Variants in ADAMTSL1 observed in about 807,000 individuals in gnomAD.
ADAMTSL1 encodes the protein ADAMTS like 1, also known as ADAMTS-like protein 1.
ADAMTSL1 carries 126 observed loss-of-function variants against 201.8 expected under a neutral mutation model. That is an observed-to-expected ratio of 0.62 (90% CI 0.54 to 0.72). The LOEUF (loss-of-function observed/expected upper bound fraction) is 0.72, where lower values mean the gene tolerates loss of function less well. ADAMTSL1 is among the 30% of genes least tolerant of loss of function. The pLI is 0.00. For synonymous variants in ADAMTSL1, 1,121 were observed against 903.4 expected, an observed-to-expected ratio of 1.24 and a Z score of -4.32; for missense variants, 2,679 against 2,277.8, an observed-to-expected ratio of 1.18 and a Z score of -3.59.
At chr9:18,594,684 T>A (rs1162636040) in intron 4 of ADAMTSL1, among the ~76,000 whole-genome samples, 1 of 152,212 alleles carries the variant, frequency 6.6e-6, no homozygotes, top group Non-Finnish European at 1.5e-5. Context: ...ATTTCTCTAT[T>A]TAATTTCTCT....
chr9:17,980,594 T>C (rs776548003), intron 1 of ADAMTSL1, among the ~76,000 whole-genome samples: 4 of 151,904 alleles, frequency 2.6e-5, no homozygotes, highest in Non-Finnish European at 5.9e-5. Flanking sequence ...AGCATGATGG[T>C]GTGATGGGGT....
At chr9:18,137,667 T>C (rs1826217851) in intron 1 of ADAMTSL1, among the ~76,000 whole-genome samples, 1 of 152,172 alleles carries the variant, frequency 6.6e-6, no homozygotes, top group Non-Finnish European at 1.5e-5. Flanking sequence ...AATAAAACCC[T>C]GTGGAAGAAA....
At chr9:18,422,749 C>T (rs1819018315) in intron 2 of ADAMTSL1, among the ~76,000 whole-genome samples, 1 of 152,148 alleles carries the variant, frequency 6.6e-6, no homozygotes, top group South Asian at 2.1e-4. Context: ...TGTGTTCCTG[C>T]AGCATCCGGT....
intron 4 of ADAMTSL1, among the ~76,000 whole-genome samples, chr9:18,619,636 T>A (rs886531166): frequency 6.6e-6 from 1 of 152,206 alleles, no homozygotes; most frequent in Non-Finnish European, 1.5e-5. Context: ...TGTTCTTTAC[T>A]TAAAATGGTT....
intron 3 of ADAMTSL1, among the ~76,000 whole-genome samples, chr9:18,571,825 C>T (rs1822321007): frequency 6.6e-6 from 1 of 152,160 alleles, no homozygotes; most frequent in South Asian, 2.1e-4. Flanking sequence ...AATGTGAGTT[C>T]ATTAAGACAA....
intron 1 of ADAMTSL1, among the ~76,000 whole-genome samples, chr9:18,031,448 C>T (rs1276890961): frequency 6.6e-6 from 1 of 152,068 alleles, no homozygotes; most frequent in African/African-American, 2.4e-5. Flanking sequence ...AGATTGCTTC[C>T]TGCATTGGGT....
intron 1 of ADAMTSL1, among the ~76,000 whole-genome samples, chr9:18,000,403 C>T (rs1378390250): frequency 6.6e-6 from 1 of 151,990 alleles, no homozygotes; most frequent in African/African-American, 2.4e-5. Flanking sequence ...TCCTGCCTCA[C>T]CACCCCTCAT....
chr9:18,681,762 T>C, intron 11 of ADAMTSL1, 50 bp from the exon 12 acceptor site: 2 of 1,359,402 alleles, frequency 1.5e-6, no homozygotes, highest in East Asian at 2.9e-5. Context: ...TGAAGAAAAG[T>C]AAACAAGGCT....
chr9:18,517,372 C>G (rs1235111308), intron 2 of ADAMTSL1, among the ~76,000 whole-genome samples: 1 of 151,296 alleles, frequency 6.6e-6, no homozygotes, highest in East Asian at 1.9e-4. Context: ...ACTTTGGTAG[C>G]TATTTAATTT....
At chr9:17,993,470 A>C (rs1362684638) in intron 1 of ADAMTSL1, among the ~76,000 whole-genome samples, 2 of 150,774 alleles carry the variant, frequency 1.3e-5, no homozygotes, top group African/African-American at 4.9e-5. Context: ...TTACAGTTCT[A>C]TTCAAATAGA....
chr9:18,503,317 T>C (rs1277627703), intron 1 of ADAMTSL1, among the ~76,000 whole-genome samples: 2 of 151,794 alleles, frequency 1.3e-5, no homozygotes, highest in Admixed American at 1.3e-4. Flanking sequence ...ATTTGTTCTT[T>C]CATGTCTGAC....
At chr9:18,378,365 C>G (rs1396914098) in intron 2 of ADAMTSL1, among the ~76,000 whole-genome samples, 2 of 152,114 alleles carry the variant, frequency 1.3e-5, no homozygotes, top group Admixed American at 6.5e-5. Flanking sequence ...AAGTAGAGAC[C>G]TTGAATAAAG....
rs769456166 is a variant in ADAMTSL1 at position 18,777,693 on chromosome 9, G to A, written c.3464G>A (p.Gly1155Glu). Reference sequence around the variant, plus strand: ...ACCTCCTCCACCGGGGACGCCGGGGGAGGCTCTCGAAGGCCACACCGCAAG... The same window carrying A: ...ACCTCCTCCACCGGGGACGCCGGGGAAGGCTCTCGAAGGCCACACCGCAAG... ...LRTSSTGDAG[G>E]GSRRPHRKPT... The change falls in exon 19 of 29, where the codon GGA becomes GAA. Residue 1155 changes from glycine to glutamate, a missense_variant. Gly to Glu is a moderately conservative substitution (Grantham distance 98, BLOSUM62 -2). Transcript: ENST00000380548. The A allele has an allele frequency of 1.2e-6, 2 of 1,613,466 alleles. No individual in the cohort carries two copies. Among genetic ancestry groups the A allele is most frequent in the South Asian group, 1.1e-5 (1 of 91,036 alleles).
intron 1 of ADAMTSL1, among the ~76,000 whole-genome samples, chr9:18,116,730 T>C (rs1203650567): frequency 1.3e-5 from 2 of 152,224 alleles, no homozygotes; most frequent in East Asian, 3.9e-4. Context: ...TTTATTATGA[T>C]TATACTTTAA....
chr9:18,755,809 T>C (rs1819715512), intron 16 of ADAMTSL1, among the ~76,000 whole-genome samples: 1 of 152,060 alleles, frequency 6.6e-6, no homozygotes, highest in Admixed American at 6.6e-5. Context: ...TGAGTCAGGT[T>C]TAAGTTCATT....
chr9:18,213,479 C>T (rs1829955090), intron 2 of ADAMTSL1, among the ~76,000 whole-genome samples: 1 of 152,114 alleles, frequency 6.6e-6, no homozygotes, highest in African/African-American at 2.4e-5. Flanking sequence ...AAACTTTTGC[C>T]TTTGAGATGA....
At chr9:18,112,640 T>G (rs986963960) in intron 1 of ADAMTSL1, among the ~76,000 whole-genome samples, 3 of 152,072 alleles carry the variant, frequency 2.0e-5, no homozygotes, top group Non-Finnish European at 4.4e-5. Flanking sequence ...AATTGCAATA[T>G]AGTGATGAGC....
Position 18,697,823 on chromosome 9 carries a change from G to A in ADAMTSL1, c.1575-8924G>A, listed in dbSNP as rs148565199. 1.3e-3 allele frequency among the ~76,000 whole-genome samples: 204 copies of A among 152,260 alleles called. 2 individuals are homozygous for A. The highest frequency in any genetic ancestry group is 4.6e-3 in the African/African-American group (193 of 41,534). On this transcript the variant is annotated intron_variant, in intron 13 of 28. Coordinates refer to ENST00000380548, the MANE Select transcript of ADAMTSL1 (RefSeq NM_001040272.6). Reference sequence around the variant, plus strand: ...GGTGGAGAAGATTGGAAGACGATAGGGTTACTGAAGGGAGAAATCAGGAGT... The same window carrying A: ...GGTGGAGAAGATTGGAAGACGATAGAGTTACTGAAGGGAGAAATCAGGAGT...
chr9:18,085,521 C>CTG (rs370247879), intron 1 of ADAMTSL1, among the ~76,000 whole-genome samples: 50 of 35,290 alleles, frequency 1.4e-3, no homozygotes, highest in African/African-American at 3.8e-3. Context: ...TATATATATA[C>CTG]TGTATGCATA....
Sources: allele counts gnomAD v4.1 joint callset (sites outside exome capture counted in the v4.1 genomes callset), GRCh38; gene constraint gnomAD v4.1.1; transcripts MANE v1.5; gene names NCBI Gene and HGNC (gene_info 2026-07-23, HGNC 2026-07-21).